PLCB1: variants seen among roughly 807,000 people sequenced by gnomAD.
The protein encoded by PLCB1 is phospholipase C beta 1, also known as 1-phosphatidylinositol 4,5-bisphosphate phosphodiesterase beta-1.
Under a neutral mutation model 161.8 loss-of-function variants are expected in PLCB1, and 46 were observed. The ratio of observed to expected loss-of-function variants is 0.28; its 90% confidence interval spans 0.22 to 0.36. The LOEUF is 0.36. PLCB1 is among the 10% of genes least tolerant of loss of function. The probability of loss-of-function intolerance (pLI) is 1.00; values close to 1 mark genes in which losing one functional copy is unlikely to be tolerated. For synonymous variants in PLCB1, 517 were observed against 503.7 expected (o/e 1.03, Z -0.35); for missense variants, 1,016 against 1,472.5 (o/e 0.69, Z 5.07).
chr20:8,389,563 C>T (rs1987530365), intron 3 of PLCB1, among the ~76,000 whole-genome samples: 1 of 152,154 alleles, frequency 6.6e-6, no homozygotes, highest in Non-Finnish European at 1.5e-5. Flanking sequence ...TATCATTGCC[C>T]CTGTCTGGTG....
At chr20:8,738,610 G>A (rs1980706935) in intron 20 of PLCB1, among the ~76,000 whole-genome samples, 2 of 151,958 alleles carry the variant, frequency 1.3e-5, no homozygotes, top group African/African-American at 2.4e-5. Flanking sequence ...ATATTCACAT[G>A]GTGATAAAAC....
At chr20:8,383,999 T>C (rs1166135248) in intron 3 of PLCB1, among the ~76,000 whole-genome samples, 1 of 152,148 alleles carries the variant, frequency 6.6e-6, no homozygotes, top group Non-Finnish European at 1.5e-5. Flanking sequence ...ATTATGTGTC[T>C]TGGGGTTGAT....
chr20:8,600,951 G>C (rs1391119322), intron 3 of PLCB1, among the ~76,000 whole-genome samples: 51 of 145,280 alleles, frequency 3.5e-4, no homozygotes, highest in South Asian at 6.7e-4. Context: ...GCCTCGCCCT[G>C]CTTCAGCTCG....
chr20:8,677,975 A>T (rs1345514311), intron 9 of PLCB1, among the ~76,000 whole-genome samples: 2 of 152,204 alleles, frequency 1.3e-5, no homozygotes, highest in African/African-American at 4.8e-5. Flanking sequence ...AGAAAACAGA[A>T]ATTAATCAAT....
intron 2 of PLCB1, among the ~76,000 whole-genome samples, chr20:8,215,443 G>T (rs1979068717): frequency 6.6e-6 from 1 of 151,994 alleles, no homozygotes; most frequent in South Asian, 2.1e-4. Context: ...CAAGCCAGAG[G>T]ACAGCTTTGA....
chr20:8,850,141 A>G (rs1414293475), intron 31 of PLCB1, among the ~76,000 whole-genome samples: 1 of 152,220 alleles, frequency 6.6e-6, no homozygotes, highest in East Asian at 1.9e-4. Flanking sequence ...TGTGACTCCC[A>G]GCAGATTTCT....
chr20:8,492,586 A>T (rs573003949), intron 3 of PLCB1, among the ~76,000 whole-genome samples: 1 of 151,906 alleles, frequency 6.6e-6, no homozygotes, highest in East Asian at 2.0e-4. Context: ...TATGTTGGGG[A>T]GTAATTTAGT....
intron 3 of PLCB1, among the ~76,000 whole-genome samples, chr20:8,379,257 C>T (rs1987190146): frequency 6.6e-6 from 1 of 152,166 alleles, no homozygotes. Flanking sequence ...CAACTTCATC[C>T]ATGTCCCTGC....
chr20:8,557,864 A>T (rs1017421212), intron 3 of PLCB1, among the ~76,000 whole-genome samples: 4 of 151,996 alleles, frequency 2.6e-5, no homozygotes, highest in East Asian at 3.9e-4. Flanking sequence ...CTTGTTCTCA[A>T]CAAAAAATTA....
rs116744393 is a variant in PLCB1 at position 8,785,145 on chromosome 20, G to C, written c.3112-3304G>C. Among the ~76,000 whole-genome samples the C allele has an allele frequency of 6.0e-3, 909 of 152,260 alleles. 9 individuals are homozygous for C. Among genetic ancestry groups the C allele is most frequent in the African/African-American group, 0.021 (868 of 41,536 alleles). On this transcript the variant is annotated intron_variant, in intron 27 of 31. Transcript: ENST00000338037. ...CCCAGAGTTATCTGGGCAGTCAAAG[G>C]GGAGAATTACCTAAGGCTGGCTTAG...
At chr20:8,449,158 A>G (rs936862735) in intron 3 of PLCB1, among the ~76,000 whole-genome samples, 1 of 152,232 alleles carries the variant, frequency 6.6e-6, no homozygotes, top group Non-Finnish European at 1.5e-5. Flanking sequence ...AACAACTTAT[A>G]CTTATTGAAT....
intron 2 of PLCB1, among the ~76,000 whole-genome samples, chr20:8,176,718 C>A (rs925618173): frequency 2.0e-5 from 3 of 152,036 alleles, no homozygotes; most frequent in African/African-American, 7.2e-5. Flanking sequence ...TGATATTGTA[C>A]TATAGTTTTG....
At chr20:8,708,051 T>C (rs1036028979) in intron 11 of PLCB1, among the ~76,000 whole-genome samples, 10 of 152,224 alleles carry the variant, frequency 6.6e-5, no homozygotes, top group African/African-American at 1.9e-4. Flanking sequence ...GAGTGACTGC[T>C]AGTGGGTACA....
chr20:8,685,215 C>T (rs1990330796), intron 10 of PLCB1, 137 bp downstream of exon 10: 1 of 762,276 alleles, frequency 1.3e-6, no homozygotes, highest in Non-Finnish European at 2.2e-6. Flanking sequence ...GGGGTTCCAC[C>T]ACTAAAGCCT....
intron 2 of PLCB1, among the ~76,000 whole-genome samples, chr20:8,342,273 C>G (rs1985835489): frequency 6.6e-6 from 1 of 152,180 alleles, no homozygotes; most frequent in Non-Finnish European, 1.5e-5. Context: ...TAGAGTAAGA[C>G]TATAAATTTC....
intron 2 of PLCB1, among the ~76,000 whole-genome samples, chr20:8,321,050 G>A (rs534557216): frequency 4.2e-4 from 63 of 151,586 alleles, no homozygotes; most frequent in Non-Finnish European, 5.5e-4. Flanking sequence ...GGAGAAAAAA[G>A]TATAATGGAT....
In PLCB1 at chr20:8,197,919, C is replaced by G. The variant is rs1265916503; in HGVS notation, c.177+47548C>G. ...CAGCACTATTTGTTAAATAGGGAAT[C>G]TTTTCCCCATTTCTTGTTTTTGTCA... On this transcript the variant is annotated intron_variant, in intron 2 of 31. Coordinates refer to ENST00000338037, the MANE Select transcript of PLCB1 (RefSeq NM_015192.4). Among the ~76,000 whole-genome samples, 6 of 152,178 alleles carry G rather than the reference C, an allele frequency of 3.9e-5. No individual in the cohort carries two copies. The East Asian group carries it at 5.8e-4, about 15-fold the overall frequency.
At chr20:8,564,899 T>C (rs899385668) in intron 3 of PLCB1, among the ~76,000 whole-genome samples, 11 of 152,104 alleles carry the variant, frequency 7.2e-5, no homozygotes, top group African/African-American at 1.7e-4. Context: ...GGAGTGTAAA[T>C]TAGTTCAACC....
At chr20:8,645,782 A>C (rs1028542674) in intron 4 of PLCB1, among the ~76,000 whole-genome samples, 3 of 152,224 alleles carry the variant, frequency 2.0e-5, no homozygotes, top group African/African-American at 7.2e-5. Context: ...ATGACTCTTT[A>C]TCTGTTTATA....
Sources: gnomAD v4.1 joint callset for allele counts (sites outside exome capture counted in the v4.1 genomes callset) on GRCh38, gnomAD v4.1.1 for gene constraint, MANE v1.5 for transcripts, NCBI Gene and HGNC (gene_info 2026-07-23, HGNC 2026-07-21) for gene names.